Variants in GRIN2B observed in about 807,000 individuals in gnomAD.
GRIN2B encodes glutamate receptor ionotropic, NMDA 2B.
A neutral mutation model predicts 114.5 loss-of-function variants in GRIN2B; 5 were observed. That is an observed-to-expected ratio of 0.04 (90% CI 0.02 to 0.09). The LOEUF (loss-of-function observed/expected upper bound fraction) is 0.09. Ranked by LOEUF, GRIN2B falls within the 10% of genes least tolerant of loss-of-function variation. GRIN2B has a pLI of 1.00. For synonymous variants in GRIN2B, 787 were observed against 745.1 expected (o/e 1.06, Z -0.92); for missense variants, 1,108 against 1,943.5 (o/e 0.57, Z 8.08).
Position 13,615,596 on chromosome 12 carries a change from T to G in GRIN2B, c.1397A>C (p.Lys466Thr). 6.2e-7 allele frequency: 1 copy of G among 1,612,748 alleles called. No individual in the cohort carries two copies. Among genetic ancestry groups the G allele is most frequent in the Non-Finnish European group, 8.5e-7 (1 of 1,178,734 alleles). ...CCKGFCIDIL[K>T]KISKSVKFTY... ...GAACTTCACAGATTTAGAAATTTTCTTAAGGATGTCAATACAGAACCCCTT... is the reference window on the plus strand; with the variant it reads ...GAACTTCACAGATTTAGAAATTTTCGTAAGGATGTCAATACAGAACCCCTT... Residue 466 changes from lysine (K) to threonine (T), a missense_variant, in exon 7 of 14, where the codon AAG becomes ACG. Lys to Thr is a moderately conservative substitution (Grantham distance 78, BLOSUM62 -1). Around this residue, in one of 19 missense-constraint regions of GRIN2B, gnomAD observed 9 missense variants for 19.2 expected, o/e 0.47. Transcript: ENST00000609686. The surrounding 1 kb of genome is among the most constrained non-coding windows in gnomAD (Gnocchi z 5.8).
At chr12:13,584,417 A>AATG (rs1158562363) in intron 10 of GRIN2B, among the ~76,000 whole-genome samples, 2 of 152,240 alleles carry the variant, frequency 1.3e-5, no homozygotes, top group African/African-American at 4.8e-5. Flanking sequence ...TCTCAATATG[A>AATG]ATGAATGAGT....
intron 5 of GRIN2B, among the ~76,000 whole-genome samples, chr12:13,641,464 C>T (rs554846476): frequency 2.7e-4 from 41 of 152,222 alleles, no homozygotes; most frequent in African/African-American, 8.9e-4. Context: ...ACTTCTCTGT[C>T]TTTATTTTCT....
intron 3 of GRIN2B, among the ~76,000 whole-genome samples, chr12:13,776,777 G>C (rs1319198191): frequency 6.6e-6 from 1 of 152,148 alleles, no homozygotes; most frequent in Non-Finnish European, 1.5e-5. Flanking sequence ...AAGAAAAAAG[G>C]AAAGACAGTG....
intron 3 of GRIN2B, among the ~76,000 whole-genome samples, chr12:13,834,330 C>A (rs1201891685): frequency 6.6e-6 from 1 of 151,888 alleles, no homozygotes; most frequent in African/African-American, 2.4e-5. Flanking sequence ...AGCCACCATG[C>A]CCAGCCCTCT....
At chr12:13,643,930 C>T (rs572009239) in intron 5 of GRIN2B, among the ~76,000 whole-genome samples, 1 of 152,242 alleles carries the variant, frequency 6.6e-6, no homozygotes, top group Non-Finnish European at 1.5e-5. Context: ...TCCACCACAT[C>T]TGTAGTTAAC....
intron 2 of GRIN2B, among the ~76,000 whole-genome samples, chr12:13,920,167 G>C (rs1422877571): frequency 6.6e-6 from 1 of 151,450 alleles, no homozygotes; most frequent in Non-Finnish European, 1.5e-5. Context: ...AGGAGGCTGA[G>C]GCAGGAGGAT....
At chr12:13,591,235 G>A (rs893337975) in intron 10 of GRIN2B, among the ~76,000 whole-genome samples, 1 of 152,180 alleles carries the variant, frequency 6.6e-6, no homozygotes, top group Non-Finnish European at 1.5e-5. Context: ...GTGGAAGGAG[G>A]GCTGAGTGGT....
Position 13,888,734 on chromosome 12 carries a change from A to C in GRIN2B, c.-18-22508T>G, listed in dbSNP as rs1015458610. Among the ~76,000 whole-genome samples, 3 of 144,268 alleles carry C rather than the reference A, an allele frequency of 2.1e-5. No individual in the cohort carries two copies. In the Admixed American group the frequency reaches 2.1e-4, roughly 10 times the overall value. The allele number at this position is 144,268 out of a possible 152,430, so 94.6% of individuals were successfully genotyped here. A position where few individuals can be genotyped will look rare whatever the true frequency, so the allele number is the denominator to read the frequency against. ...GGGAGAGGGAGCAAGACTCCATCTC[A>C]AAAAAAAAAAGAAATATCATATACA... On this transcript the variant is annotated intron_variant, in intron 2 of 13. Transcript: ENST00000609686.
intron 4 of GRIN2B, among the ~76,000 whole-genome samples, chr12:13,708,665 T>C (rs1249067719): frequency 2.0e-5 from 3 of 152,058 alleles, no homozygotes; most frequent in East Asian, 3.9e-4. Context: ...TTTCTTTCTA[T>C]AAAATATCAT....
Position 13,900,149 on chromosome 12 carries a change from C to T in GRIN2B, c.-18-33923G>A, listed in dbSNP as rs577092465. On this transcript the variant is annotated intron_variant, in intron 2 of 13. Transcript: ENST00000609686. ...AGAAAATATAAGCAGCTTAGAGCTT[C>T]CCTTCTTCATCATTGTGGAATATAC... Among the ~76,000 whole-genome samples the T allele has an allele frequency of 5.9e-5, 9 of 152,238 alleles. No homozygotes were observed. The South Asian group carries it at 6.2e-4, about 11-fold the overall frequency.
At chr12:13,932,987 G>GTGCA (rs1555158847) in intron 2 of GRIN2B, among the ~76,000 whole-genome samples, 13 of 92,116 alleles carry the variant, frequency 1.4e-4, no homozygotes, top group African/African-American at 5.0e-4. Context: ...GTGTGTGTGT[G>GTGCA]CGTGTGCGTG....
At chr12:13,677,698 G>C (rs1015279006) in intron 4 of GRIN2B, among the ~76,000 whole-genome samples, 1 of 151,922 alleles carries the variant, frequency 6.6e-6, no homozygotes, top group Non-Finnish European at 1.5e-5. Flanking sequence ...CTCAAGGTAG[G>C]CATCTCGGTG....
intron 5 of GRIN2B, among the ~76,000 whole-genome samples, chr12:13,663,013 C>T (rs1160630908): frequency 6.6e-6 from 1 of 152,170 alleles, no homozygotes; most frequent in African/African-American, 2.4e-5. Context: ...ACTCAGATTA[C>T]TGGGCCTCAT....
At chr12:13,825,496 T>TTTTTTTTTTTTTGTGTGTG (rs375940899) in intron 3 of GRIN2B, among the ~76,000 whole-genome samples, 1 of 122,994 alleles carries the variant, frequency 8.1e-6, no homozygotes, top group African/African-American at 3.1e-5. Context: ...TATATATATT[T>TTTTTTTTTTTTTGTGTGTG]TGTGTGTGTG....
chr12:13,722,274 T>C (rs373073380), intron 4 of GRIN2B, among the ~76,000 whole-genome samples: 23 of 152,052 alleles, frequency 1.5e-4, no homozygotes, highest in African/African-American at 5.1e-4. Context: ...TTTTTTAATA[T>C]ATAGAATGTA....
chr12:13,851,435 G>T (rs958558787), intron 3 of GRIN2B, among the ~76,000 whole-genome samples: 4 of 152,066 alleles, frequency 2.6e-5, no homozygotes, highest in Non-Finnish European at 4.4e-5. Flanking sequence ...ACCAAATAGA[G>T]CCTGACCTGT....
intron 4 of GRIN2B, among the ~76,000 whole-genome samples, chr12:13,750,186 G>T (rs1240084009): frequency 6.6e-6 from 1 of 152,186 alleles, no homozygotes; most frequent in Admixed American, 6.5e-5. Flanking sequence ...AGGAATTGAT[G>T]AATAATAATC....
At chr12:13,831,374 A>G (rs1235974346) in intron 3 of GRIN2B, among the ~76,000 whole-genome samples, 1 of 152,186 alleles carries the variant, frequency 6.6e-6, no homozygotes, top group Non-Finnish European at 1.5e-5. Flanking sequence ...GTTGCCCCAA[A>G]TGACAATGAC....
At chr12:13,834,358 T>A (rs1316792557) in intron 3 of GRIN2B, among the ~76,000 whole-genome samples, 1 of 151,960 alleles carries the variant, frequency 6.6e-6, no homozygotes, top group Non-Finnish European at 1.5e-5. Flanking sequence ...CTTCTAGAAC[T>A]AGAAGAGGCT....
Sources: gnomAD v4.1 joint callset for allele counts (sites outside exome capture counted in the v4.1 genomes callset) on GRCh38, gnomAD v4.1.1 for gene constraint, gnomAD v4.1.1 regional missense constraint, Gnocchi (gnomAD v3.1) non-coding constraint, MANE v1.5 for transcripts, NCBI Gene and HGNC (gene_info 2026-07-23, HGNC 2026-07-21) for gene names.